KLHL22: variants seen among roughly 807,000 people sequenced by gnomAD.
KLHL22 encodes the protein kelch like family member 22.
Under a neutral mutation model 60.7 loss-of-function variants are expected in KLHL22, and 18 were observed. The ratio of observed to expected loss-of-function variants is 0.30; its 90% confidence interval spans 0.20 to 0.44. The LOEUF is 0.44. Ranked by LOEUF, KLHL22 falls within the 20% of genes least tolerant of loss-of-function variation. KLHL22 has a pLI of 1.00. For synonymous variants in KLHL22, 355 were observed against 354.5 expected, an observed-to-expected ratio of 1.00 and a Z score of -0.01; for missense variants, 596 against 852.3, an observed-to-expected ratio of 0.70 and a Z score of 3.74.
At chr22:20,476,384 T>C (rs906692959) in intron 2 of KLHL22, among the ~76,000 whole-genome samples, 2 of 147,192 alleles carry the variant, frequency 1.4e-5, no homozygotes, top group African/African-American at 2.5e-5. Context: ...GAGCAGGGTG[T>C]GGGTGCTTGG....
At chr22:20,469,936 A>G (rs1048851248) in intron 3 of KLHL22, among the ~76,000 whole-genome samples, 12 of 152,184 alleles carry the variant, frequency 7.9e-5, no homozygotes, top group African/African-American at 2.9e-4. Context: ...CTGCAGGCCC[A>G]GTCCCGTGTA....
In KLHL22 at chr22:20,464,890, G is replaced by A. The variant is rs200017792; in HGVS notation, c.1080C>T (p.Val360=). 4.7e-5 allele frequency: 73 copies of A among 1,547,470 alleles called. No homozygotes were observed. Among genetic ancestry groups the A allele is most frequent in the Non-Finnish European group, 6.0e-5 (69 of 1,147,182 alleles). Residue 360 remains valine, a synonymous_variant, in exon 4 of 7, where the codon GTC becomes GTT. Transcript: ENST00000328879. ...FVYLIGGDNN[V]QGFRAESRCW... is the part of the protein sequence containing the mutation. ...ATCGGGACTCTGCTCGAAATCCTTGGACATTGTTGTCCCCTCCAATCAAGT... is the reference window on the plus strand; with the variant it reads ...ATCGGGACTCTGCTCGAAATCCTTGAACATTGTTGTCCCCTCCAATCAAGT...
chr22:20,451,692 T>C (rs2052981899), intron 5 of KLHL22: 1 of 1,597,304 alleles, frequency 6.3e-7, no homozygotes, highest in South Asian at 1.1e-5. Context: ...TCTATGCAAT[T>C]GCAGGATATG....
At chr22:20,459,522 T>C (rs1183866590) in intron 4 of KLHL22, among the ~76,000 whole-genome samples, 1 of 152,200 alleles carries the variant, frequency 6.6e-6, no homozygotes, top group African/African-American at 2.4e-5. Flanking sequence ...AATGAGGTGA[T>C]ATCACCTGCC....
Position 20,462,149 on chromosome 22 carries a change from C to T in KLHL22, c.1112+2709G>A, listed in dbSNP as rs542397243. On this transcript the variant is annotated intron_variant, in intron 4 of 6. Coordinates refer to ENST00000328879, the MANE Select transcript of KLHL22 (RefSeq NM_032775.4). ...AAAATTAGCTGGGCGTGGTGGTCGGCGCCTGTAATCCCAGCTATTCAGGAG... is the reference window on the plus strand; with the variant it reads ...AAAATTAGCTGGGCGTGGTGGTCGGTGCCTGTAATCCCAGCTATTCAGGAG... Among the ~76,000 whole-genome samples the T allele has an allele frequency of 1.5e-4, 22 of 150,772 alleles. No individual in the cohort carries two copies. In the East Asian group the frequency reaches 2.4e-3, roughly 16 times the overall value.
intron 1 of KLHL22, chr22:20,489,671 A>G (rs922396919): frequency 1.7e-5 from 8 of 470,528 alleles, no homozygotes; most frequent in African/African-American, 1.4e-4. Context: ...ATGAAGCATA[A>G]GCACACACCA....
At chr22:20,474,946 G>A (rs748204883) in intron 2 of KLHL22, among the ~76,000 whole-genome samples, 29 of 152,260 alleles carry the variant, frequency 1.9e-4, no homozygotes, top group Non-Finnish European at 3.5e-4. Flanking sequence ...CCCCAACCCA[G>A]GAAGACACCA....
In KLHL22 at chr22:20,446,491, C is replaced by A; in HGVS notation, c.1491G>T (p.Val497=). ...GMATLLNKLY[V]IGGSNNDAGY... ...CGGCATCGTTGTTGCTGCCCCCGAT[C>A]ACATACAGCTTGTTGAGGAGGGTTG... is the stretch of plus-strand genomic sequence containing the variant. The change falls in exon 6 of 7, where the codon GTG becomes GTT. Residue 497 remains valine (V), a synonymous_variant. Coordinates refer to ENST00000328879, the MANE Select transcript of KLHL22 (RefSeq NM_032775.4). 6.2e-7 allele frequency: 1 copy of A among 1,612,920 alleles called. No individual in the cohort carries two copies. The highest frequency in any genetic ancestry group is 8.5e-7 in the Non-Finnish European group (1 of 1,180,000).
chr22:20,488,161 G>A (rs1411687696), intron 2 of KLHL22, among the ~76,000 whole-genome samples: 1 of 152,176 alleles, frequency 6.6e-6, no homozygotes, highest in Non-Finnish European at 1.5e-5. Flanking sequence ...GAAAGAGAGA[G>A]AGAGAGAACT....
chr22:20,463,081 TG>T (rs2146212360), intron 4 of KLHL22, among the ~76,000 whole-genome samples: 1 of 152,308 alleles, frequency 6.6e-6, no homozygotes, highest in South Asian at 2.1e-4. Flanking sequence ...AGGATTCATC[TG>T]GAAGTTTTGA....
At chr22:20,474,234 C>T (rs1469109581) in intron 2 of KLHL22, among the ~76,000 whole-genome samples, 2 of 152,024 alleles carry the variant, frequency 1.3e-5, no homozygotes, top group African/African-American at 2.4e-5. Context: ...CTCCTGACCT[C>T]GTGATCTGCC....
rs2052758022 is a variant in KLHL22, at chr22:20,441,630, G to A, written c.*443C>T. On this transcript the variant is annotated 3_prime_UTR_variant, in exon 7 of 7. Coordinates refer to ENST00000328879, the MANE Select transcript of KLHL22 (RefSeq NM_032775.4). ...CAGAGCCAGTCCCAGGCGAGCTGAT[G>A]CATCTCTGCTCCTCTGCCCCTCAGG... The A allele has an allele frequency of 5.4e-6, 1 of 185,584 alleles. No individual in the cohort carries two copies. Among genetic ancestry groups the A allele is most frequent in the South Asian group, 2.0e-4 (1 of 5,076 alleles). 11.5% of individuals were successfully genotyped at this position (185,584 alleles called of 1,614,324 possible).
chr22:20,466,799 G>A (rs2053243736), intron 3 of KLHL22, among the ~76,000 whole-genome samples: 1 of 152,182 alleles, frequency 6.6e-6, no homozygotes, highest in Non-Finnish European at 1.5e-5. Flanking sequence ...GTTCCCAGCT[G>A]GGTCAAGACC....
intron 4 of KLHL22, among the ~76,000 whole-genome samples, chr22:20,461,288 T>C (rs912037425): frequency 2.6e-5 from 4 of 152,168 alleles, no homozygotes; most frequent in African/African-American, 7.2e-5. Flanking sequence ...GCACGGTGGC[T>C]CACGCCTGTA....
chr22:20,465,336 C>G lies in KLHL22; in HGVS notation c.634G>C (p.Glu212Gln), dbSNP rs746015574. ...TAGAGAAGGGCCCCCTCATATACCT[C>G]GGTCTCGCAGGAGACCTCCAGGCGA... The part of the protein sequence containing the change: ...SNRLEVSCET[E>Q]VYEGALLYHY... Residue 212 changes from glutamate (E) to glutamine (Q), a missense_variant, in exon 4 of 7, where the codon GAG becomes CAG. Coordinates refer to ENST00000328879, the MANE Select transcript of KLHL22 (RefSeq NM_032775.4). The surrounding 1 kb of genome is among the most constrained non-coding windows in gnomAD (Gnocchi z 4.9). 1 of 1,614,002 alleles carries G rather than the reference C, an allele frequency of 6.2e-7. No homozygotes were observed. Among genetic ancestry groups the G allele is most frequent in the East Asian group, 2.2e-5 (1 of 44,892 alleles).
intron 2 of KLHL22, among the ~76,000 whole-genome samples, chr22:20,474,474 C>G (rs2053377906): frequency 6.6e-6 from 1 of 152,198 alleles, no homozygotes. Flanking sequence ...TCACTGCAAC[C>G]TCCGCCTCCC....
chr22:20,483,551 G>A (rs1040702081), intron 2 of KLHL22: 14 of 724,628 alleles, frequency 1.9e-5, no homozygotes, highest in Admixed American at 1.2e-4. Flanking sequence ...ATCACTTTGC[G>A]AAGCCCATGT....
chr22:20,470,165 C>A (rs2053291274), intron 3 of KLHL22, among the ~76,000 whole-genome samples: 1 of 146,506 alleles, frequency 6.8e-6, no homozygotes, highest in South Asian at 2.1e-4. Context: ...ATAACAAGGC[C>A]CCATTCCTAT....
chr22:20,476,398 G>A (rs555783789), intron 2 of KLHL22, among the ~76,000 whole-genome samples: 111 of 140,468 alleles, frequency 7.9e-4, no homozygotes, highest in East Asian at 6.5e-3. Context: ...TGCTTGGATT[G>A]ACACAGATTT....
Sources: gnomAD v4.1 joint callset for allele counts (sites outside exome capture counted in the v4.1 genomes callset) on GRCh38, gnomAD v4.1.1 for gene constraint, Gnocchi (gnomAD v3.1) non-coding constraint, MANE v1.5 for transcripts, NCBI Gene and HGNC (gene_info 2026-07-23, HGNC 2026-07-21) for gene names.